Variants in ADGRV1 observed in about 807,000 individuals in gnomAD.
ADGRV1 encodes G-protein coupled receptor 98.
A neutral mutation model predicts 596.2 loss-of-function variants in ADGRV1; 359 were observed. The ratio of observed to expected loss-of-function variants is 0.60; its 90% CI spans 0.55 to 0.66. ADGRV1 has a LOEUF of 0.66. Ranked by LOEUF, ADGRV1 falls within the 30% of genes least tolerant of loss-of-function variation. The pLI, the probability that ADGRV1 is intolerant of heterozygous loss-of-function variation, is 0.00. For synonymous variants in ADGRV1, 2,681 were observed against 2,679.2 expected (o/e 1.00, Z -0.02); for missense variants, 7,274 against 7,575.6 (o/e 0.96, Z 1.48).
chr5:90,881,616 C>T (rs576398575), intron 83 of ADGRV1, among the ~76,000 whole-genome samples: 2 of 151,314 alleles, frequency 1.3e-5, no homozygotes, highest in South Asian at 2.1e-4. Context: ...CAGGGATGGG[C>T]GGAATTTGTA....
chr5:91,000,698 G>GTGTGTGTGTGTT (rs1781786523), intron 85 of ADGRV1, among the ~76,000 whole-genome samples: 1 of 151,614 alleles, frequency 6.6e-6, no homozygotes, highest in Non-Finnish European at 1.5e-5. Flanking sequence ...GTGTGTGTGT[G>GTGTGTGTGTGTT]TGTGTGTGTG....
chr5:90,747,612 T>A (rs561617075), intron 52 of ADGRV1, among the ~76,000 whole-genome samples: 5 of 151,952 alleles, frequency 3.3e-5, no homozygotes, highest in Non-Finnish European at 7.4e-5. Context: ...CAGGGAAGCA[T>A]ACTAGGGACT....
chr5:90,664,404 GCTCT>G (rs980584490), intron 21 of ADGRV1, among the ~76,000 whole-genome samples: 6 of 151,994 alleles, frequency 3.9e-5, no homozygotes, highest in African/African-American at 1.4e-4. Flanking sequence ...TCATGATTTG[GCTCT>G]CTGTTTGCCT....
chr5:90,865,970 T>A (rs937137339), intron 83 of ADGRV1, among the ~76,000 whole-genome samples: 1 of 152,164 alleles, frequency 6.6e-6, no homozygotes, highest in African/African-American at 2.4e-5. Flanking sequence ...GGAGGTTAAA[T>A]CAACTCTAGA....
intron 85 of ADGRV1, among the ~76,000 whole-genome samples, chr5:91,068,605 A>G (rs1788096421): frequency 6.6e-6 from 1 of 152,180 alleles, no homozygotes; most frequent in Non-Finnish European, 1.5e-5. Flanking sequence ...TACAAGGAGA[A>G]CTACAAAACA....
intron 1 of ADGRV1, among the ~76,000 whole-genome samples, chr5:90,574,221 C>A (rs10942598): frequency 0.089 from 13,545 of 151,468 alleles, 1,897 homozygotes; most frequent in African/African-American, 0.31. Context: ...TGATAGGAAT[C>A]GCATTGAATC....
At chr5:90,921,793 C>T (rs951976437) in intron 83 of ADGRV1, among the ~76,000 whole-genome samples, 8 of 138,474 alleles carry the variant, frequency 5.8e-5, no homozygotes, top group Non-Finnish European at 9.4e-5. Flanking sequence ...AAAGTTGTGT[C>T]TTGTTTTTTT....
At chr5:90,580,245 G>C (rs1038397799) in intron 1 of ADGRV1, among the ~76,000 whole-genome samples, 1 of 152,204 alleles carries the variant, frequency 6.6e-6, no homozygotes, top group Non-Finnish European at 1.5e-5. Context: ...TGCAGTGGCT[G>C]GTACCGATTG....
chr5:90,908,713 G>A (rs1260095148), intron 83 of ADGRV1, among the ~76,000 whole-genome samples: 1 of 152,110 alleles, frequency 6.6e-6, no homozygotes, highest in African/African-American at 2.4e-5. Context: ...AGTGAAGAGT[G>A]ATATATTATT....
chr5:90,709,556 G>A (rs1749064181), intron 39 of ADGRV1, among the ~76,000 whole-genome samples: 2 of 152,232 alleles, frequency 1.3e-5, no homozygotes, highest in Admixed American at 6.5e-5. Flanking sequence ...GTTAGAAGGA[G>A]TGCTGGACAG....
chr5:91,034,365 G>A (rs146812555), intron 85 of ADGRV1, among the ~76,000 whole-genome samples: 200 of 152,264 alleles, frequency 1.3e-3, no homozygotes, highest in African/African-American at 4.6e-3. Context: ...ACTGAACAAA[G>A]TTTCCTTAAA....
At chr5:90,889,224 A>G (rs1430603644) in intron 83 of ADGRV1, among the ~76,000 whole-genome samples, 2 of 152,150 alleles carry the variant, frequency 1.3e-5, no homozygotes, top group African/African-American at 4.8e-5. Context: ...GTCAGTGCTC[A>G]GTTTAGCCCC....
chr5:90,764,279 A>G (rs1310739264), intron 59 of ADGRV1, among the ~76,000 whole-genome samples: 1 of 152,034 alleles, frequency 6.6e-6, no homozygotes, highest in Non-Finnish European at 1.5e-5. Context: ...CTCTTCCCCA[A>G]CTCCAGGGCA....
At chr5:90,698,006 A>C (rs573554573) in intron 34 of ADGRV1, among the ~76,000 whole-genome samples, 170 of 152,342 alleles carry the variant, frequency 1.1e-3, no homozygotes, top group Middle Eastern at 6.8e-3. Flanking sequence ...TGTGCCAGAA[A>C]CAGAATGTAT....
At chr5:90,573,620 G>A (rs1756831025) in intron 1 of ADGRV1, among the ~76,000 whole-genome samples, 1 of 152,106 alleles carries the variant, frequency 6.6e-6, no homozygotes, top group South Asian at 2.1e-4. Flanking sequence ...GTCCATCACT[G>A]ACTGAAACAT....
At chr5:90,925,204 C>T (rs564752640) in intron 83 of ADGRV1, among the ~76,000 whole-genome samples, 1 of 152,112 alleles carries the variant, frequency 6.6e-6, no homozygotes, top group African/African-American at 2.4e-5. Context: ...GGCATTGAAT[C>T]TGTAAGTTAC....
At chr5:90,850,514 C>T (rs968177577) in intron 79 of ADGRV1, among the ~76,000 whole-genome samples, 5 of 152,174 alleles carry the variant, frequency 3.3e-5, no homozygotes, top group African/African-American at 1.2e-4. Flanking sequence ...TAAGTTTGCA[C>T]TAAGTGAGGC....
chr5:90,670,827 T>G (rs1433687036), intron 21 of ADGRV1, among the ~76,000 whole-genome samples: 1 of 152,216 alleles, frequency 6.6e-6, no homozygotes, highest in Non-Finnish European at 1.5e-5. Flanking sequence ...AGCAATTCAT[T>G]CTTATTGGAA....
intron 1 of ADGRV1, among the ~76,000 whole-genome samples, chr5:90,561,060 T>A (rs1219641617): frequency 3.3e-5 from 5 of 152,188 alleles, no homozygotes; most frequent in African/African-American, 1.2e-4. Flanking sequence ...TGAATATACG[T>A]TGTATGCCAG....
Sources: allele counts gnomAD v4.1 joint callset (sites outside exome capture counted in the v4.1 genomes callset), GRCh38; gene constraint gnomAD v4.1.1; transcripts MANE v1.5; gene names NCBI Gene and HGNC (gene_info 2026-07-23, HGNC 2026-07-21).